Variants in GPR89A observed in about 807,000 individuals in gnomAD.
GPR89A encodes golgi pH regulator A.
GPR89A carries 16 observed loss-of-function variants against 52.0 expected under a neutral mutation model. The ratio of observed to expected loss-of-function variants is 0.31; its 90% confidence interval spans 0.21 to 0.47. The LOEUF is 0.47. GPR89A is among the 20% of genes least tolerant of loss of function. GPR89A has a pLI of 1.00. For synonymous variants in GPR89A, 55 were observed against 150.9 expected, an observed-to-expected ratio of 0.36 and a Z score of 4.66; for missense variants, 135 against 449.4, an observed-to-expected ratio of 0.30 and a Z score of 6.33.
At chr1:145,617,775 G>C (rs1243074449) in intron 2 of GPR89A, among the ~76,000 whole-genome samples, 2 of 152,068 alleles carry the variant, frequency 1.3e-5, no homozygotes, top group Admixed American at 1.3e-4. Flanking sequence ...CCCTAGACTC[G>C]ACATTTCCTA....
At chr1:145,609,856 G>C (rs1403398763) in intron 1 of GPR89A, among the ~76,000 whole-genome samples, 1 of 152,150 alleles carries the variant, frequency 6.6e-6, no homozygotes, top group Non-Finnish European at 1.5e-5. Context: ...TCTCTGTTCA[G>C]ATATTTATGT....
chr1:145,657,686 G>A (rs587672059), intron 10 of GPR89A, among the ~76,000 whole-genome samples: 28 of 150,698 alleles, frequency 1.9e-4, no homozygotes, highest in African/African-American at 6.3e-4. Context: ...GGTTTATGCA[G>A]GTTATCTATT....
intron 7 of GPR89A, among the ~76,000 whole-genome samples, chr1:145,636,850 C>G (rs1650270760): frequency 6.6e-6 from 1 of 152,008 alleles, no homozygotes. Context: ...TGGAAGTGCC[C>G]CTTAGCCACC....
At chr1:145,623,016 C>T (rs1414706839) in intron 3 of GPR89A, 38 bp from the exon 4 acceptor site, 1 of 1,598,796 alleles carries the variant, frequency 6.3e-7, no homozygotes, top group Non-Finnish European at 8.5e-7. Context: ...TTGCTGCCCT[C>T]TCTTCCTCCC....
intron 3 of GPR89A, among the ~76,000 whole-genome samples, chr1:145,619,598 TAAAAA>T (rs1329171165): frequency 6.6e-6 from 1 of 151,584 alleles, no homozygotes; most frequent in Admixed American, 6.6e-5. Flanking sequence ...CCCCATCTCT[TAAAAA>T]AAAGAGTGAG....
rs186435237 is a variant in GPR89A, at chr1:145,629,603, A to C, written c.416-1084A>C. Among the ~76,000 whole-genome samples the C allele has an allele frequency of 3.3e-5, 5 of 152,272 alleles. No individual in the cohort carries two copies. In the East Asian group the frequency reaches 9.7e-4, roughly 29 times the overall value. On this transcript the variant is annotated intron_variant, in intron 5 of 13. Coordinates refer to ENST00000313835, the MANE Select transcript of GPR89A (RefSeq NM_001097612.2). The stretch of plus-strand genomic sequence containing the variant: ...ACGCATTCTAGCAATTTGAGGCAGC[A>C]AAACATGGGCACAGGGAAGGCAGAG...
chr1:145,633,921 AG>A (rs1467081895), intron 7 of GPR89A, among the ~76,000 whole-genome samples: 3 of 151,050 alleles, frequency 2.0e-5, no homozygotes, highest in Non-Finnish European at 4.4e-5. Context: ...AAAAATACTT[AG>A]GGATAAATTT....
chr1:145,616,227 C>T lies in GPR89A; in HGVS notation c.43-7C>T, dbSNP rs1197321213. ...TGTATTGACATTCTATTTTCTTTCT[C>T]CTCCAGATACTATTTTTTGGATTTG... On this transcript the variant is annotated splice_region_variant and splice_polypyrimidine_tract_variant and intron_variant, in intron 1 of 13. Transcript: ENST00000313835. The T allele has an allele frequency of 6.2e-6, 10 of 1,608,696 alleles. No individual in the cohort carries two copies. The highest frequency in any genetic ancestry group is 6.8e-6 in the Non-Finnish European group (8 of 1,176,330).
At chr1:145,662,545 A>C (rs1190036349) in intron 10 of GPR89A, among the ~76,000 whole-genome samples, 1 of 152,024 alleles carries the variant, frequency 6.6e-6, no homozygotes, top group African/African-American at 2.4e-5. Flanking sequence ...CCAATCTAAC[A>C]ACCTCTGCCA....
chr1:145,647,555 G>T (rs1193005418), intron 10 of GPR89A, among the ~76,000 whole-genome samples: 1 of 151,664 alleles, frequency 6.6e-6, no homozygotes, highest in Non-Finnish European at 1.5e-5. Context: ...TATAATCCCA[G>T]CACTTTCGGA....
At chr1:145,608,508 GC>G (rs1647997688) in intron 1 of GPR89A, 1 of 721,888 alleles carries the variant, frequency 1.4e-6, no homozygotes, top group Non-Finnish European at 2.1e-6. Flanking sequence ...AAGCTTCCGG[GC>G]TGCGCCAACT....
At chr1:145,666,879 G>C (rs1652599804) in intron 12 of GPR89A, among the ~76,000 whole-genome samples, 1 of 151,948 alleles carries the variant, frequency 6.6e-6, no homozygotes, top group South Asian at 2.1e-4. Context: ...CAAAGGACAT[G>C]AACTCATCCT....
intron 3 of GPR89A, among the ~76,000 whole-genome samples, chr1:145,619,364 C>A (rs1553687645): frequency 6.7e-6 from 1 of 149,020 alleles, no homozygotes; most frequent in Non-Finnish European, 1.5e-5. Flanking sequence ...AATCCTAGCA[C>A]TTTGGGAGGC....
At chr1:145,642,562 T>C (rs1194218576) in intron 7 of GPR89A, among the ~76,000 whole-genome samples, 3 of 152,214 alleles carry the variant, frequency 2.0e-5, no homozygotes, top group Non-Finnish European at 4.4e-5. Flanking sequence ...CTTGTTAATA[T>C]CATTTTAGCT....
chr1:145,654,540 A>G, intron 10 of GPR89A, among the ~76,000 whole-genome samples: 1 of 122,302 alleles, frequency 8.2e-6, no homozygotes, highest in African/African-American at 3.2e-5. Flanking sequence ...GTGACAGAGC[A>G]AGAATCCATC....
chr1:145,669,531 GAC>G, intron 12 of GPR89A, 92 bp from the exon 13 acceptor site: 1 of 1,102,120 alleles, frequency 9.1e-7, no homozygotes, highest in East Asian at 2.3e-5. Context: ...GCATGGAAGA[GAC>G]ACTTTTAATC....
At chr1:145,635,081 CAAGTT>C (rs782091576) in intron 7 of GPR89A, among the ~76,000 whole-genome samples, 13 of 152,138 alleles carry the variant, frequency 8.5e-5, no homozygotes, top group Non-Finnish European at 1.8e-4. Context: ...GACCCATAGT[CAAGTT>C]AAAGAAGCCT....
At chr1:145,660,574 T>C (rs1553695444) in intron 10 of GPR89A, among the ~76,000 whole-genome samples, 1 of 152,028 alleles carries the variant, frequency 6.6e-6, no homozygotes, top group African/African-American at 2.4e-5. Context: ...AGGGCTAATA[T>C]CCAGAATCTA....
At chr1:145,668,388 A>G (rs1221382510) in intron 12 of GPR89A, among the ~76,000 whole-genome samples, 3 of 152,154 alleles carry the variant, frequency 2.0e-5, no homozygotes, top group South Asian at 4.1e-4. Context: ...TTATTGGTCT[A>G]TAAGAATGCT....
Sources: gnomAD v4.1 joint callset for allele counts (sites outside exome capture counted in the v4.1 genomes callset) on GRCh38, gnomAD v4.1.1 for gene constraint, MANE v1.5 for transcripts, NCBI Gene and HGNC (gene_info 2026-07-23, HGNC 2026-07-21) for gene names.